TAF2: variants seen among roughly 807,000 people sequenced by gnomAD.
TAF2 encodes TATA-box binding protein associated factor 2.
In TAF2, 61 loss-of-function variants were observed where a neutral mutation model predicts 138.5. The ratio of observed to expected loss-of-function variants is 0.44; its 90% CI spans 0.36 to 0.54. The LOEUF (loss-of-function observed/expected upper bound fraction) is 0.54, where lower values mean the gene tolerates loss of function less well. Ranked by LOEUF, TAF2 falls within the 20% of genes least tolerant of loss-of-function variation. TAF2 has a pLI of 0.00. For synonymous variants in TAF2, 475 were observed against 469.9 expected (o/e 1.01, Z -0.14); for missense variants, 1,090 against 1,427.9 (o/e 0.76, Z 3.81).
chr8:119,734,901 A>C (rs1381950366), intron 25 of TAF2, among the ~76,000 whole-genome samples: 1 of 152,218 alleles, frequency 6.6e-6, no homozygotes, highest in Non-Finnish European at 1.5e-5. Flanking sequence ...GGAAGAAATA[A>C]GGAAACAAAG....
At chr8:119,790,018 C>T (rs906957498) in intron 11 of TAF2, among the ~76,000 whole-genome samples, 78 of 151,996 alleles carry the variant, frequency 5.1e-4, no homozygotes, top group African/African-American at 1.8e-3. Flanking sequence ...TATATAATAC[C>T]TATAATTTAT....
chr8:119,742,397 C>T (rs1191760354), intron 25 of TAF2, 137 bp downstream of exon 25: 9 of 1,046,096 alleles, frequency 8.6e-6, no homozygotes, highest in Non-Finnish European at 1.2e-5. Context: ...ACAATATAAG[C>T]TCAATGTATT....
intron 3 of TAF2, among the ~76,000 whole-genome samples, chr8:119,814,390 A>C (rs922263344): frequency 1.3e-5 from 2 of 152,150 alleles, no homozygotes; most frequent in Non-Finnish European, 2.9e-5. Flanking sequence ...TTAATGAAAT[A>C]ATTTTAAACT....
At chr8:119,771,810 G>C (rs1258529792) in intron 18 of TAF2, among the ~76,000 whole-genome samples, 1 of 152,012 alleles carries the variant, frequency 6.6e-6, no homozygotes, top group Non-Finnish European at 1.5e-5. Context: ...AAGAAACTCT[G>C]GACTTAAACT....
At chr8:119,794,078 C>A (rs1052728609) in intron 9 of TAF2, among the ~76,000 whole-genome samples, 1 of 151,888 alleles carries the variant, frequency 6.6e-6, no homozygotes, top group Admixed American at 6.6e-5. Context: ...GCACATGCCA[C>A]CGTGCCTGGT....
intron 6 of TAF2, among the ~76,000 whole-genome samples, chr8:119,798,533 G>A (rs1823996567): frequency 6.6e-6 from 1 of 152,180 alleles, no homozygotes; most frequent in Non-Finnish European, 1.5e-5. Flanking sequence ...GTGTGAAGCT[G>A]TGGTAATCTT....
intron 17 of TAF2, 139 bp downstream of exon 17, chr8:119,780,914 G>A (rs1377491443): frequency 4.1e-4 from 362 of 875,216 alleles, no homozygotes; most frequent in Middle Eastern, 1.1e-3. Flanking sequence ...CAGCCTGGGC[G>A]ACAGAGTGAG....
chr8:119,779,406 C>G (rs1822488514), intron 17 of TAF2, among the ~76,000 whole-genome samples: 1 of 151,930 alleles, frequency 6.6e-6, no homozygotes, highest in South Asian at 2.1e-4. Context: ...TTCATGATCC[C>G]TTCACTAATG....
intron 5 of TAF2, among the ~76,000 whole-genome samples, chr8:119,802,732 G>C (rs1189003183): frequency 6.6e-6 from 1 of 152,146 alleles, no homozygotes; most frequent in Non-Finnish European, 1.5e-5. Flanking sequence ...GGCCAACATG[G>C]TGAAACCCTG....
chr8:119,782,767 TAA>T (rs1295501753), intron 16 of TAF2, among the ~76,000 whole-genome samples: 2 of 152,228 alleles, frequency 1.3e-5, no homozygotes, highest in Non-Finnish European at 2.9e-5. Flanking sequence ...TCTACCATTC[TAA>T]GTTACTTATC....
chr8:119,752,026 T>C (rs969168955), intron 22 of TAF2, among the ~76,000 whole-genome samples: 2 of 152,022 alleles, frequency 1.3e-5, no homozygotes, highest in Non-Finnish European at 2.9e-5. Flanking sequence ...GGAAAGAGGG[T>C]AATGATCCCA....
Position 119,750,906 on chromosome 8 carries a change from T to C in TAF2, c.2879-3972A>G, listed in dbSNP as rs571643626. Among the ~76,000 whole-genome samples, 3 of 152,152 alleles carry C rather than the reference T, an allele frequency of 2.0e-5. No individual in the cohort carries two copies. The South Asian group carries it at 6.2e-4, about 32-fold the overall frequency. On this transcript the variant is annotated intron_variant, in intron 22 of 25. Coordinates refer to ENST00000378164, the MANE Select transcript of TAF2 (RefSeq NM_003184.4). ...TTTTTATGTCATTCTTATAGTAATA[T>C]GCCAGACACTAAAGGTCAATGTGGA...
At chr8:119,775,814 C>G (rs2131111728) in intron 18 of TAF2, among the ~76,000 whole-genome samples, 1 of 152,124 alleles carries the variant, frequency 6.6e-6, no homozygotes, top group Non-Finnish European at 1.5e-5. Context: ...AAATAAATAG[C>G]CAGTTATACC....
At chr8:119,779,770 T>C (rs1822512450) in intron 17 of TAF2, among the ~76,000 whole-genome samples, 1 of 152,214 alleles carries the variant, frequency 6.6e-6, no homozygotes, top group African/African-American at 2.4e-5. Context: ...AACATCTATC[T>C]TTTCACTTGT....
In TAF2 at chr8:119,760,170, T is replaced by A. The variant is rs543901530; in HGVS notation, c.2698+429A>T. On this transcript the variant is annotated intron_variant, in intron 20 of 25. Transcript: ENST00000378164. ...ATATGTGTATTCTTCCCTTAGCGAC[T>A]TTTTTGGCCTTATGTTTTTTCTATA... Among the ~76,000 whole-genome samples, 10 of 152,284 alleles carry A rather than the reference T, an allele frequency of 6.6e-5. No individual in the cohort carries two copies. In the South Asian group the frequency reaches 2.1e-3, roughly 32 times the overall value.
chr8:119,757,605 T>A (rs1820783923), intron 21 of TAF2, among the ~76,000 whole-genome samples: 2 of 151,382 alleles, frequency 1.3e-5, no homozygotes, highest in Non-Finnish European at 2.9e-5. Flanking sequence ...TTTTTTTTTT[T>A]AGCTGAGTGC....
intron 2 of TAF2, among the ~76,000 whole-genome samples, chr8:119,822,649 T>C (rs902696134): frequency 6.6e-6 from 1 of 152,188 alleles, no homozygotes; most frequent in African/African-American, 2.4e-5. Flanking sequence ...TTCACTTCCA[T>C]CCAGGAAGAA....
At chr8:119,738,165 C>A (rs1031016440) in intron 25 of TAF2, among the ~76,000 whole-genome samples, 88 of 151,660 alleles carry the variant, frequency 5.8e-4, no homozygotes, top group African/African-American at 1.8e-3. Context: ...CTTTTTCTCT[C>A]TCTATATATG....
At chr8:119,785,762 CA>C (rs1822968474) in intron 14 of TAF2, among the ~76,000 whole-genome samples, 1 of 152,012 alleles carries the variant, frequency 6.6e-6, no homozygotes, top group Admixed American at 6.6e-5. Flanking sequence ...TAAGCAAAAA[CA>C]AAAGCAACAG....
Sources: allele counts gnomAD v4.1 joint callset (sites outside exome capture counted in the v4.1 genomes callset), GRCh38; gene constraint gnomAD v4.1.1; transcripts MANE v1.5; gene names NCBI Gene and HGNC (gene_info 2026-07-23, HGNC 2026-07-21).